The following DOCK4 variants were observed in gnomAD, a reference collection of about 807,000 sequenced individuals.
The protein encoded by DOCK4 is dedicator of cytokinesis 4.
A neutral mutation model predicts 268.1 loss-of-function variants in DOCK4; 97 were observed. The observed-to-expected ratio is 0.36, with a 90% CI of 0.31 to 0.43. The LOEUF is 0.43. DOCK4 is among the 20% of genes least tolerant of loss of function. The pLI is 1.00. For synonymous variants in DOCK4, 954 were observed against 887.2 expected (o/e 1.08, Z -1.34); for missense variants, 2,145 against 2,455.7 (o/e 0.87, Z 2.67).
rs111787485 is a variant in DOCK4 at position 111,919,400 on chromosome 7, G to A, written c.1067-3496C>T. Among the ~76,000 whole-genome samples, 1,399 of 152,194 alleles carry A rather than the reference G, an allele frequency of 9.2e-3. 24 individuals carry two copies. Among genetic ancestry groups the A allele is most frequent in the African/African-American group, 0.031 (1,302 of 41,522 alleles). On this transcript the variant is annotated intron_variant, in intron 12 of 52. Coordinates refer to ENST00000428084, the MANE Select transcript of DOCK4 (RefSeq NM_001363540.2). Reference sequence around the variant, plus strand: ...GAGAGGACCCATTTAGGAGACAGTCGACAGAGAGGAGTCGGTCAGTGGAGA... The same window carrying A: ...GAGAGGACCCATTTAGGAGACAGTCAACAGAGAGGAGTCGGTCAGTGGAGA...
chr7:111,736,910 G>A lies in DOCK4; in HGVS notation c.5305+7C>T. ...CATTCCAGGACTGACCATGGGGCTG[G>A]CCTTACCTTTTTCAGGTGCAGAGAG... On this transcript the variant is annotated splice_region_variant and intron_variant, in intron 50 of 52. Transcript: ENST00000428084. 6.3e-7 allele frequency: 1 copy of A among 1,595,078 alleles called. No homozygotes were observed. The highest frequency in any genetic ancestry group is 8.5e-7 in the Non-Finnish European group (1 of 1,170,208).
chr7:111,881,972 G>A (rs1312377336), intron 16 of DOCK4, among the ~76,000 whole-genome samples: 1 of 152,104 alleles, frequency 6.6e-6, no homozygotes, highest in Non-Finnish European at 1.5e-5. Flanking sequence ...ATGGTTAATG[G>A]GTACAAAGAA....
At chr7:112,127,704 A>G (rs1203605658) in intron 1 of DOCK4, among the ~76,000 whole-genome samples, 1 of 152,238 alleles carries the variant, frequency 6.6e-6, no homozygotes, top group East Asian at 1.9e-4. Flanking sequence ...AACCAATACT[A>G]CATCACCAAT....
intron 1 of DOCK4, among the ~76,000 whole-genome samples, chr7:112,173,381 A>G (rs762835428): frequency 2.4e-4 from 36 of 152,298 alleles, no homozygotes; most frequent in African/African-American, 7.7e-4. Context: ...TTGTTGTACT[A>G]AATTATTTTC....
At chr7:111,813,940 T>C (rs965263000) in intron 27 of DOCK4, among the ~76,000 whole-genome samples, 3 of 152,238 alleles carry the variant, frequency 2.0e-5, no homozygotes, top group South Asian at 2.1e-4. Context: ...AAAATCTGTA[T>C]GCTTAACATG....
chr7:111,826,067 G>C (rs540647990), intron 26 of DOCK4, among the ~76,000 whole-genome samples: 1 of 152,302 alleles, frequency 6.6e-6, no homozygotes, highest in South Asian at 2.1e-4. Context: ...TAGTAAGTAG[G>C]TTAAATGTGC....
At chr7:112,096,953 G>A (rs559177125) in intron 1 of DOCK4, among the ~76,000 whole-genome samples, 1 of 152,142 alleles carries the variant, frequency 6.6e-6, no homozygotes, top group Non-Finnish European at 1.5e-5. Context: ...CAGAACTTCT[G>A]TCTCTAGAAA....
chr7:112,164,506 T>C (rs561750480), intron 1 of DOCK4, among the ~76,000 whole-genome samples: 1 of 152,310 alleles, frequency 6.6e-6, no homozygotes, highest in East Asian at 1.9e-4. Flanking sequence ...CTGGATTACT[T>C]ACTCTGTGCC....
intron 44 of DOCK4, among the ~76,000 whole-genome samples, chr7:111,745,683 T>TTA (rs1554579453): frequency 2.0e-5 from 1 of 49,614 alleles, no homozygotes; most frequent in Non-Finnish European, 3.3e-5. Flanking sequence ...GACTCCGTCT[T>TTA]AAAAAAAAAA....
intron 39 of DOCK4, among the ~76,000 whole-genome samples, chr7:111,763,730 C>T (rs879924090): frequency 1.4e-4 from 11 of 81,172 alleles, no homozygotes; most frequent in Non-Finnish European, 2.9e-4. Context: ...TAGCTCTAGA[C>T]TGTCTGCTGC....
intron 12 of DOCK4, among the ~76,000 whole-genome samples, chr7:111,922,383 A>G (rs1348329744): frequency 2.0e-5 from 3 of 152,178 alleles, no homozygotes; most frequent in African/African-American, 7.2e-5. Flanking sequence ...AATGTGTAAC[A>G]TAAGTAATTG....
intron 16 of DOCK4, among the ~76,000 whole-genome samples, chr7:111,879,758 A>G (rs1455772761): frequency 6.6e-6 from 1 of 152,208 alleles, no homozygotes; most frequent in Non-Finnish European, 1.5e-5. Flanking sequence ...CAGAAATTCT[A>G]GAGTTGAAAA....
At position 112,174,899 on chromosome 7, in the gene DOCK4, G is replaced by A. The variant is rs1354957296; in HGVS notation, c.37+31203C>T. Among the ~76,000 whole-genome samples, 3 of 149,394 alleles carry A rather than the reference G, an allele frequency of 2.0e-5. No homozygotes were observed. In the East Asian group the frequency reaches 5.9e-4, roughly 29 times the overall value. ...GTTTTGTTTTGTTTTGTTTTTGCAT[G>A]CTTACTAAAAGAATTATAGCCACTG... On this transcript the variant is annotated intron_variant, in intron 1 of 52. Coordinates refer to ENST00000428084, the MANE Select transcript of DOCK4 (RefSeq NM_001363540.2).
chr7:111,892,751 T>C (rs894127853), intron 16 of DOCK4, among the ~76,000 whole-genome samples: 1 of 152,228 alleles, frequency 6.6e-6, no homozygotes, highest in African/African-American at 2.4e-5. Context: ...AAGGATTATG[T>C]ATTATGCTGG....
At chr7:111,904,579 T>C (rs1791405816) in intron 13 of DOCK4, among the ~76,000 whole-genome samples, 1 of 152,160 alleles carries the variant, frequency 6.6e-6, no homozygotes, top group African/African-American at 2.4e-5. Context: ...CCCCAAGGCC[T>C]GTTTAGCTCA....
At chr7:112,082,022 G>A (rs1433234324) in intron 1 of DOCK4, among the ~76,000 whole-genome samples, 1 of 149,500 alleles carries the variant, frequency 6.7e-6, no homozygotes, top group Middle Eastern at 3.2e-3. Flanking sequence ...GTGACAAATG[G>A]ATGTCATCAG....
chr7:111,940,272 A>C (rs1317043316), intron 10 of DOCK4, 30 bp from the exon 11 acceptor site: 3 of 1,613,606 alleles, frequency 1.9e-6, no homozygotes, highest in Non-Finnish European at 2.5e-6. Flanking sequence ...TCATTAACCC[A>C]TGGAGCCATT....
rs113990277 is a variant in DOCK4, at chr7:112,165,561, C to T, written c.37+40541G>A. On this transcript the variant is annotated intron_variant, in intron 1 of 52. Transcript: ENST00000428084. ...GTGTGTGTGTGTGTGTGTGTGTGTG[C>T]GTGTGTGTGTGTATCCCATTTCTTT... Among the ~76,000 whole-genome samples the T allele has an allele frequency of 7.8e-3, 563 of 71,920 alleles. 2 individuals carry two copies. The highest frequency in any genetic ancestry group is 0.022 in the Middle Eastern group (3 of 134). 47.2% of individuals were successfully genotyped at this position (71,920 alleles called of 152,430 possible).
intron 8 of DOCK4, among the ~76,000 whole-genome samples, chr7:111,950,072 G>T (rs1018869829): frequency 6.6e-6 from 1 of 152,078 alleles, no homozygotes; most frequent in African/African-American, 2.4e-5. Context: ...GACTACAGAC[G>T]CATGCCACCC....
Sources: gnomAD v4.1 joint callset for allele counts (sites outside exome capture counted in the v4.1 genomes callset) on GRCh38, gnomAD v4.1.1 for gene constraint, MANE v1.5 for transcripts, NCBI Gene and HGNC (gene_info 2026-07-23, HGNC 2026-07-21) for gene names.